HS3ST4: variants seen among roughly 807,000 people sequenced by gnomAD.
HS3ST4 encodes heparan sulfate glucosamine 3-O-sulfotransferase 4.
A neutral mutation model predicts 29.2 loss-of-function variants in HS3ST4; 17 were observed. The ratio of observed to expected loss-of-function variants is 0.58; its 90% CI spans 0.40 to 0.87. The LOEUF is 0.87. Ranked by LOEUF, HS3ST4 falls within the 40% of genes least tolerant of loss-of-function variation. The pLI is 0.00. For synonymous variants in HS3ST4, 314 were observed against 285.7 expected (o/e 1.10, Z -1.00); for missense variants, 627 against 634.5 (o/e 0.99, Z 0.13).
At chr16:25,829,865 C>A (rs970327758) in intron 1 of HS3ST4, among the ~76,000 whole-genome samples, 4 of 151,846 alleles carry the variant, frequency 2.6e-5, no homozygotes, top group African/African-American at 4.8e-5. Flanking sequence ...GCTCTGTCGC[C>A]CAGGTGGGAG....
At chr16:26,043,354 C>T (rs970092893) in intron 1 of HS3ST4, among the ~76,000 whole-genome samples, 1 of 152,142 alleles carries the variant, frequency 6.6e-6, no homozygotes, top group African/African-American at 2.4e-5. Flanking sequence ...GATGAAATCT[C>T]TCATACCTCT....
chr16:26,067,423 A>T (rs1318520111), intron 1 of HS3ST4, among the ~76,000 whole-genome samples: 2 of 152,088 alleles, frequency 1.3e-5, no homozygotes, highest in Non-Finnish European at 2.9e-5. Context: ...AGTGAAAACA[A>T]TTTGGTGTCA....
At chr16:25,849,592 G>A (rs1380422731) in intron 1 of HS3ST4, among the ~76,000 whole-genome samples, 1 of 152,092 alleles carries the variant, frequency 6.6e-6, no homozygotes, top group African/African-American at 2.4e-5. Context: ...CACCTCCCAG[G>A]CTCAAGCCAT....
chr16:26,067,710 C>A lies in HS3ST4; in HGVS notation c.735-67902C>A, dbSNP rs1281583680. Among the ~76,000 whole-genome samples the A allele has an allele frequency of 2.0e-5, 3 of 152,172 alleles. No homozygotes were observed. In the East Asian group the frequency reaches 5.8e-4, roughly 29 times the overall value. ...GATATGGTTTGGCTGTGTCCCTACCCAAATCTGGAACTGTAGCTCCCATAA... is the reference window on the plus strand; with the variant it reads ...GATATGGTTTGGCTGTGTCCCTACCAAAATCTGGAACTGTAGCTCCCATAA... On this transcript the variant is annotated intron_variant, in intron 1 of 1. Coordinates refer to ENST00000331351, the MANE Select transcript of HS3ST4 (RefSeq NM_006040.3).
intron 1 of HS3ST4, among the ~76,000 whole-genome samples, chr16:25,726,263 T>C (rs1966533819): frequency 6.6e-6 from 1 of 152,238 alleles, no homozygotes; most frequent in South Asian, 2.1e-4. Context: ...TCAATGTTTT[T>C]CTAGTCCTAA....
At chr16:26,133,107 C>A (rs960000542) in intron 1 of HS3ST4, among the ~76,000 whole-genome samples, 1 of 152,102 alleles carries the variant, frequency 6.6e-6, no homozygotes, top group Admixed American at 6.5e-5. Context: ...TGTTTTCCTG[C>A]CTTTTCCATT....
intron 1 of HS3ST4, among the ~76,000 whole-genome samples, chr16:25,941,744 T>G (rs1968574462): frequency 6.6e-6 from 1 of 151,972 alleles, no homozygotes; most frequent in South Asian, 2.1e-4. Flanking sequence ...ACCCAGCTAA[T>G]TTTTTGTATT....
intron 1 of HS3ST4, among the ~76,000 whole-genome samples, chr16:25,921,389 G>C (rs1436526106): frequency 6.6e-6 from 1 of 152,162 alleles, no homozygotes; most frequent in African/African-American, 2.4e-5. Flanking sequence ...TCATAGACGA[G>C]GAATCTGTGA....
In HS3ST4 at chr16:26,045,303, C is replaced by T. The variant is rs571253919; in HGVS notation, c.735-90309C>T. Among the ~76,000 whole-genome samples, 4 of 152,244 alleles carry T rather than the reference C, an allele frequency of 2.6e-5. No individual in the cohort carries two copies. The East Asian group carries it at 7.7e-4, about 29-fold the overall frequency. On this transcript the variant is annotated intron_variant, in intron 1 of 1. Transcript: ENST00000331351. ...TAAAAAGGCAGCATGATATCACTGACTTTGGAATTCATAATGCATCTTAGC... is the reference window on the plus strand; with the variant it reads ...TAAAAAGGCAGCATGATATCACTGATTTTGGAATTCATAATGCATCTTAGC...
chr16:25,749,015 G>T (rs984986218), intron 1 of HS3ST4, among the ~76,000 whole-genome samples: 9 of 152,290 alleles, frequency 5.9e-5, no homozygotes, highest in African/African-American at 2.2e-4. Flanking sequence ...GCCTATAGAT[G>T]CTAAAACAGG....
chr16:25,840,970 GTTTGTTTATTTATTTATTTATTTATTTA>G (rs1274475794), intron 1 of HS3ST4, among the ~76,000 whole-genome samples: 24 of 129,172 alleles, frequency 1.9e-4, no homozygotes, highest in East Asian at 6.8e-4. Context: ...ATTTATATTT[GTTTGTTTATTTATTTATTTATTTATTTA>G]TTTATTTATT....
Position 25,789,296 on chromosome 16 carries a change from CTTCT to C in HS3ST4, c.734+96162_734+96165del, listed in dbSNP as rs201345339. Among the ~76,000 whole-genome samples the C allele has an allele frequency of 1.9e-3, 293 of 151,918 alleles. 1 individual carries two copies. The highest frequency in any genetic ancestry group is 0.014 in the East Asian group (72 of 5,154). ...TTGTCCTCTTCTTCCTCCATCTCCT[CTTCT>C]TTCTTTCTTTCTTTCTCCTCCTCCT... On this transcript the variant is annotated intron_variant, in intron 1 of 1. Coordinates refer to ENST00000331351, the MANE Select transcript of HS3ST4 (RefSeq NM_006040.3).
chr16:25,742,347 CA>C (rs919910085), intron 1 of HS3ST4, among the ~76,000 whole-genome samples: 10 of 152,218 alleles, frequency 6.6e-5, no homozygotes, highest in Middle Eastern at 3.4e-3. Context: ...ATAATTCCAC[CA>C]AAAATCTCAG....
intron 1 of HS3ST4, among the ~76,000 whole-genome samples, chr16:26,126,201 A>G (rs1899341623): frequency 6.6e-6 from 1 of 152,194 alleles, no homozygotes; most frequent in Non-Finnish European, 1.5e-5. Context: ...CTCTGAGTCA[A>G]TGTTGGCCAG....
chr16:25,890,636 C>G (rs1967998736), intron 1 of HS3ST4, among the ~76,000 whole-genome samples: 1 of 152,176 alleles, frequency 6.6e-6, no homozygotes, highest in Admixed American at 6.6e-5. Context: ...TATGATCTAT[C>G]TTATCTTCAG....
intron 1 of HS3ST4, among the ~76,000 whole-genome samples, chr16:26,041,510 C>G (rs1969635963): frequency 6.6e-6 from 1 of 151,876 alleles, no homozygotes; most frequent in Non-Finnish European, 1.5e-5. Context: ...AAAACAAAAC[C>G]CTGAAATCCT....
intron 1 of HS3ST4, among the ~76,000 whole-genome samples, chr16:25,929,100 G>C (rs1968438797): frequency 6.6e-6 from 1 of 152,136 alleles, no homozygotes; most frequent in East Asian, 1.9e-4. Flanking sequence ...TGAGTCTCAG[G>C]TGGACCGGCG....
intron 1 of HS3ST4, among the ~76,000 whole-genome samples, chr16:26,005,715 A>C (rs1969251851): frequency 6.6e-6 from 1 of 151,454 alleles, no homozygotes; most frequent in African/African-American, 2.4e-5. Flanking sequence ...TAAGATCTAG[A>C]GAAGATTTTA....
chr16:25,741,365 TAAAAAAAAA>T (rs66788248), intron 1 of HS3ST4, among the ~76,000 whole-genome samples: 1 of 66,186 alleles, frequency 1.5e-5, no homozygotes, highest in East Asian at 6.0e-4. Flanking sequence ...GAATTCAAGG[TAAAAAAAAA>T]AAAAAAAAAA....
Sources: gnomAD v4.1 joint callset for allele counts (sites outside exome capture counted in the v4.1 genomes callset) on GRCh38, gnomAD v4.1.1 for gene constraint, MANE v1.5 for transcripts, NCBI Gene and HGNC (gene_info 2026-07-23, HGNC 2026-07-21) for gene names.